Variants in KIF15 observed in about 807,000 individuals in gnomAD.
KIF15 encodes the protein kinesin-like protein KIF15.
KIF15 carries 140 observed loss-of-function variants against 190.6 expected under a neutral mutation model. The observed-to-expected ratio is 0.73, with a 90% CI of 0.64 to 0.84. KIF15 has a LOEUF of 0.84. Among genes scored for constraint, KIF15 ranks in the 40% least tolerant of loss-of-function variants. KIF15 has a pLI of 0.00. For missense variants in KIF15, 1,372 were observed against 1,584.4 expected (o/e 0.87, Z 2.28); for synonymous variants, 528 against 551.3 (o/e 0.96, Z 0.59).
At chr3:44,867,716 G>A (rs1575704462) in intron 6 of KIF15, among the ~76,000 whole-genome samples, 7 of 152,334 alleles carry the variant, frequency 4.6e-5, no homozygotes, top group Admixed American at 6.5e-5. Flanking sequence ...TTTTTTCTAA[G>A]AGGAAGATCA....
chr3:44,829,974 G>C lies in KIF15; in HGVS notation c.2947G>C (p.Val983Leu). The C allele has an allele frequency of 1.3e-6, 2 of 1,571,738 alleles. No homozygotes were observed. The highest frequency in any genetic ancestry group is 1.7e-6 in the Non-Finnish European group (2 of 1,162,476). The change falls in exon 25 of 35, where the codon GTT becomes CTT. Residue 983 changes from valine to leucine, a missense_variant. By Grantham distance (32) the Val-to-Leu change is conservative. Transcript: ENST00000326047. ...LEKSRDSDKK[V>L]VADLMNQIQE... ...ATATTATTTCTGTCCTCATCAGAAA[G>C]TTGTAGCTGACCTCATGAACCAGAT...
rs1698923450 is a variant in KIF15 at position 44,847,969 on chromosome 3, C to T, written c.3696-16C>T. ...TGTTTTCCTATGCCTCCTCCCACCC[C>T]TGTTAATCTATGCAGTGATCAGAAT... On this transcript the variant is annotated splice_polypyrimidine_tract_variant and intron_variant, in intron 30 of 34. Coordinates refer to ENST00000326047, the MANE Select transcript of KIF15 (RefSeq NM_020242.3). 6.3e-7 allele frequency: 1 copy of T among 1,581,238 alleles called. No individual in the cohort carries two copies. The highest frequency in any genetic ancestry group is 1.8e-5 in the Admixed American group (1 of 54,394).
chr3:44,822,100 C>T lies in KIF15; in HGVS notation c.2550-3939C>T, dbSNP rs192314516. On this transcript the variant is annotated intron_variant, in intron 20 of 34. Coordinates refer to ENST00000326047, the MANE Select transcript of KIF15 (RefSeq NM_020242.3). ...TACCGATGCAGTTTCTTCCTAGCGT[C>T]GATGGTCTTTACAATTTGGCATGTT... Among the ~76,000 whole-genome samples, 29 of 152,296 alleles carry T rather than the reference C, an allele frequency of 1.9e-4. No homozygotes were observed. In the East Asian group the frequency reaches 4.8e-3, roughly 25 times the overall value.
chr3:44,857,508 CTGTG>C (rs1015711761), downstream of KIF15, among the ~76,000 whole-genome samples: 8 of 152,122 alleles, frequency 5.3e-5, no homozygotes, highest in African/African-American at 1.9e-4. Flanking sequence ...TGCACTTTGG[CTGTG>C]TGTAATGAAA....
chr3:44,824,887 A>G (rs750308592), intron 20 of KIF15, among the ~76,000 whole-genome samples: 7 of 152,112 alleles, frequency 4.6e-5, no homozygotes, highest in Non-Finnish European at 8.8e-5. Flanking sequence ...AGCTCCCCAC[A>G]TAGCTGGGAC....
Position 44,778,207 on chromosome 3 carries a change from T to C in KIF15, c.323+16T>C. The C allele has an allele frequency of 6.3e-7, 1 of 1,580,278 alleles. No homozygotes were observed. The highest frequency in any genetic ancestry group is 8.7e-7 in the Non-Finnish European group (1 of 1,149,020). ...TCTTTGCATAGTAAGTTGTTGACTG[T>C]GTCCTTATACATAGTACATGCTTGA... On this transcript the variant is annotated intron_variant, in intron 4 of 34. Coordinates refer to ENST00000326047, the MANE Select transcript of KIF15 (RefSeq NM_020242.3).
chr3:44,830,769 A>G (rs535284542), intron 25 of KIF15, 127 bp from the exon 26 acceptor site: 1 of 891,816 alleles, frequency 1.1e-6, no homozygotes, highest in East Asian at 2.6e-5. Flanking sequence ...TCCTTCAGTC[A>G]GCAAGTATTT....
chr3:44,824,577 T>G (rs1368769654), intron 20 of KIF15, among the ~76,000 whole-genome samples: 1 of 152,246 alleles, frequency 6.6e-6, no homozygotes, highest in Non-Finnish European at 1.5e-5. Flanking sequence ...TCACTGGATC[T>G]AATAATCTTG....
In KIF15 at chr3:44,811,040, G is replaced by A. The variant is rs770754920; in HGVS notation, c.2166G>A (p.Val722=). Residue 722 remains valine (V), a synonymous_variant, in exon 17 of 35, where the codon GTG becomes GTA. Transcript: ENST00000326047. The stretch of plus-strand genomic sequence containing the variant: ...CCATTTCTGAAGAGCTTAGAACAGT[G>A]CAGGTAATGTTTTGTTCTAGAAAAA... ...FEAISEELRT[V]QEQMSALQAK... The A allele has an allele frequency of 3.2e-6, 5 of 1,585,936 alleles. No homozygotes were observed. In the Admixed American group the frequency reaches 9.8e-5, roughly 31 times the overall value.
intron 28 of KIF15, among the ~76,000 whole-genome samples, chr3:44,840,832 C>G (rs1330676724): frequency 1.1e-5 from 1 of 91,110 alleles, no homozygotes; most frequent in Admixed American, 1.2e-4. Flanking sequence ...CCACGCCTGG[C>G]TAATTTTTTT....
rs576952844 is a variant in KIF15 at position 44,766,482 on chromosome 3, C to T, written c.19+4598C>T. On this transcript the variant is annotated intron_variant, in intron 1 of 34. Coordinates refer to ENST00000326047, the MANE Select transcript of KIF15 (RefSeq NM_020242.3). Reference sequence around the variant, plus strand: ...TGTGTGGGAGAAGGGAGAGCCCTCACCTCTCAACCACACTTGTCTGGGACT... The same window carrying T: ...TGTGTGGGAGAAGGGAGAGCCCTCATCTCTCAACCACACTTGTCTGGGACT... Among the ~76,000 whole-genome samples the T allele has an allele frequency of 1.3e-3, 194 of 152,282 alleles. 1 individual carries two copies. Among genetic ancestry groups the T allele is most frequent in the Non-Finnish European group, 2.4e-3 (163 of 68,024 alleles).
chr3:44,791,065 C>G (rs949840153), intron 7 of KIF15, among the ~76,000 whole-genome samples: 8 of 152,152 alleles, frequency 5.3e-5, no homozygotes, highest in African/African-American at 1.7e-4. Flanking sequence ...ATGACAGTAC[C>G]TTACCTAATT....
rs1052185591 is a variant in KIF15, at chr3:44,813,015, T to G, written c.2278-60T>G. 8.1e-6 allele frequency: 8 copies of G among 993,658 alleles called. No individual in the cohort carries two copies. In the East Asian group the frequency reaches 2.1e-4, roughly 26 times the overall value. The allele number at this position is 993,658 out of a possible 1,614,324, so 61.6% of individuals were successfully genotyped here. A position where few individuals can be genotyped will look rare whatever the true frequency, so the allele number is the denominator to read the frequency against. On this transcript the variant is annotated intron_variant, in intron 18 of 34. Coordinates refer to ENST00000326047, the MANE Select transcript of KIF15 (RefSeq NM_020242.3). ...AAAAAAAAGAAACAGGTTAATGATT[T>G]GGAGTGCATCTTAGCATGCCAGTAT...
chr3:44,798,055 A>G, intron 10 of KIF15, 99 bp downstream of exon 10: 1 of 1,100,584 alleles, frequency 9.1e-7, no homozygotes, highest in African/African-American at 1.6e-5. Flanking sequence ...ATTAACTTTT[A>G]TTTATTTCTC....
downstream of KIF15, among the ~76,000 whole-genome samples, chr3:44,857,630 A>G (rs934727698): frequency 1.3e-5 from 2 of 152,220 alleles, no homozygotes; most frequent in African/African-American, 4.8e-5. Flanking sequence ...AGGGTCGGCT[A>G]GATTTCCTTT....
At chr3:44,784,791 G>A in intron 5 of KIF15, 54 bp from the exon 6 acceptor site, 1 of 946,476 alleles carries the variant, frequency 1.1e-6, no homozygotes, top group Non-Finnish European at 1.6e-6. Context: ...TTGCCATTTT[G>A]AAAGACTCTT....
At chr3:44,804,941 G>A in intron 14 of KIF15, 86 bp from the exon 15 acceptor site, 1 of 1,354,382 alleles carries the variant, frequency 7.4e-7, no homozygotes, top group Non-Finnish European at 1.0e-6. Context: ...CTTGTGAATA[G>A]CCACTGCACT....
Position 44,761,897 on chromosome 3 carries a change from C to G in KIF15, c.19+13C>G. The G allele has an allele frequency of 6.2e-7, 1 of 1,614,160 alleles. No homozygotes were observed. ...CCCGGCTGCAAAAGTAAGTCTGGGC[C>G]CCCGGCTTCGTTACCCTATTTTTGC... On this transcript the variant is annotated intron_variant, in intron 1 of 34. Coordinates refer to ENST00000326047, the MANE Select transcript of KIF15 (RefSeq NM_020242.3).
intron 6 of KIF15, chr3:44,861,857 G>C (rs2292180): frequency 0.049 from 71,359 of 1,449,268 alleles, 1,886 homozygotes; most frequent in Middle Eastern, 0.08. Flanking sequence ...ACGTGAGGCT[G>C]CCATCCAATC....
Sources: gnomAD v4.1 joint callset for allele counts (sites outside exome capture counted in the v4.1 genomes callset) on GRCh38, gnomAD v4.1.1 for gene constraint, MANE v1.5 for transcripts, NCBI Gene and HGNC (gene_info 2026-07-23, HGNC 2026-07-21) for gene names.